SRC: variants seen among roughly 807,000 people sequenced by gnomAD.
SRC encodes the protein SRC proto-oncogene, non-receptor tyrosine kinase, also known as proto-oncogene tyrosine-protein kinase Src.
In SRC, 13 loss-of-function variants were observed where a neutral mutation model predicts 62.9. The observed-to-expected ratio is 0.21, with a 90% CI of 0.13 to 0.33. SRC has a LOEUF of 0.33. Ranked by LOEUF, SRC falls within the 10% of genes least tolerant of loss-of-function variation. SRC has a pLI of 1.00. For synonymous variants in SRC, 302 were observed against 317.5 expected (o/e 0.95, Z 0.52); for missense variants, 457 against 737.3 (o/e 0.62, Z 4.40).
In SRC at chr20:37,396,442, T is replaced by TC. The variant is rs1415494815; in HGVS notation, c.703+134dup. 1 of 1,015,766 alleles carries TC rather than the reference T, an allele frequency of 9.8e-7. No individual in the cohort carries two copies. The highest frequency in any genetic ancestry group is 2.7e-5 in the East Asian group (1 of 37,370). The allele number at this position is 1,015,766 out of a possible 1,614,324, so 62.9% of individuals were successfully genotyped here. A position where few individuals can be genotyped will look rare whatever the true frequency, so the allele number is the denominator to read the frequency against. The stretch of plus-strand genomic sequence containing the variant: ...TCTCTCCCCACTTCCCCCTCCCCCC[T>TC]CCCTTCCTCTCTCCTCCCTTTTCCC... On this transcript the variant is annotated intron_variant, in intron 8 of 13. Transcript: ENST00000373578. The surrounding 1 kb of genome is among the most constrained non-coding windows in gnomAD (Gnocchi z 6.1).
Position 37,384,188 on chromosome 20 carries a change from G to A in SRC, c.35G>A (p.Ser12Asn). ...AACAAGAGCAAGCCCAAGGATGCCA[G>A]CCAGCGGCGCCGCAGCCTGGAGCCC... Reference protein sequence around the residue: ...GSNKSKPKDASQRRRSLEPAE... With the variant: ...GSNKSKPKDANQRRRSLEPAE... Residue 12 changes from serine (S) to asparagine (N), a missense_variant, in exon 4 of 14, where the codon AGC becomes AAC. Ser to Asn is a conservative substitution (Grantham distance 46). Coordinates refer to ENST00000373578, the MANE Select transcript of SRC (RefSeq NM_198291.3). This position sits in a 1 kb window ranked among gnomAD's most constrained non-coding sequence, Gnocchi z 6.7. 1 of 1,598,266 alleles carries A rather than the reference G, an allele frequency of 6.3e-7. No homozygotes were observed. Among genetic ancestry groups the A allele is most frequent in the Non-Finnish European group, 8.5e-7 (1 of 1,176,256 alleles).
chr20:37,397,934 G>T lies in SRC; in HGVS notation c.859+80G>T. The T allele has an allele frequency of 6.9e-7, 1 of 1,452,016 alleles. No individual in the cohort carries two copies. The highest frequency in any genetic ancestry group is 2.5e-5 in the East Asian group (1 of 39,804). 89.9% of individuals were successfully genotyped at this position (1,452,016 alleles called of 1,614,324 possible). A position where few individuals can be genotyped will look rare whatever the true frequency, so the allele number is the denominator to read the frequency against. ...AGCTCCGGGCTCCCTTGGTCCCTTT[G>T]CCTTTAGCTGCCTCTGCTGGATGAC... On this transcript the variant is annotated intron_variant, in intron 9 of 13. Transcript: ENST00000373578. The surrounding 1 kb of genome is among the most constrained non-coding windows in gnomAD (Gnocchi z 4.1).
chr20:37,351,765 A>C lies in SRC; in HGVS notation c.-247+5510A>C, dbSNP rs902217623. Among the ~76,000 whole-genome samples the C allele has an allele frequency of 6.6e-6, 1 of 152,146 alleles. No homozygotes were observed. The highest frequency in any genetic ancestry group is 1.5e-5 in the Non-Finnish European group (1 of 68,026). On this transcript the variant is annotated intron_variant, in intron 1 of 13. Coordinates refer to ENST00000373578, the MANE Select transcript of SRC (RefSeq NM_198291.3). This position sits in a 1 kb window ranked among gnomAD's most constrained non-coding sequence, Gnocchi z 4.4. ...GCAGTCAAACTCTTATTCCTGTTAC[A>C]CAGAAGAGGAGACTGAAGCTCAGAG... is the stretch of plus-strand genomic sequence containing the variant.
At position 37,384,495 on chromosome 20, in the gene SRC, A is replaced by T; in HGVS notation, c.250+92A>T. 1.7e-6 allele frequency: 2 copies of T among 1,165,126 alleles called. No individual in the cohort carries two copies. The highest frequency in any genetic ancestry group is 2.1e-6 in the Non-Finnish European group (2 of 944,372). 72.2% of individuals were successfully genotyped at this position (1,165,126 alleles called of 1,614,324 possible). A position where few individuals can be genotyped will look rare whatever the true frequency, so the allele number is the denominator to read the frequency against. On this transcript the variant is annotated intron_variant, in intron 4 of 13. Coordinates refer to ENST00000373578, the MANE Select transcript of SRC (RefSeq NM_198291.3). This position sits in a 1 kb window ranked among gnomAD's most constrained non-coding sequence, Gnocchi z 6.7. ...GTGCCCGGGGTCGCCCCCTCTGCGC[A>T]GGCCCTTCCTCTCGCCAGGGGTAGC...
rs981423306 is a variant in SRC at position 37,402,548 on chromosome 20, G to T, written c.1230G>T (p.Leu410=). 6.2e-7 allele frequency: 1 copy of T among 1,613,792 alleles called. No individual in the cohort carries two copies. The highest frequency in any genetic ancestry group is 1.3e-5 in the African/African-American group (1 of 74,884). Residue 410 remains leucine (L), a synonymous_variant, in exon 12 of 14, where the codon CTG becomes CTT. Coordinates refer to ENST00000373578, the MANE Select transcript of SRC (RefSeq NM_198291.3). The surrounding 1 kb of genome is among the most constrained non-coding windows in gnomAD (Gnocchi z 6.2). ...NLVCKVADFG[L]ARLIEDNEYT... ...TGTGCAAAGTGGCGGACTTTGGGCT[G>T]GCTCGGCTCATTGAAGACAATGAGT...
intron 1 of SRC, among the ~76,000 whole-genome samples, chr20:37,356,366 G>A (rs1212519500): frequency 1.3e-5 from 2 of 152,230 alleles, no homozygotes; most frequent in African/African-American, 4.8e-5. Context: ...TACTGGATGA[G>A]AGTAATGTAT....
intron 3 of SRC, among the ~76,000 whole-genome samples, chr20:37,383,449 C>T (rs2070394170): frequency 6.6e-6 from 1 of 152,184 alleles, no homozygotes. Flanking sequence ...ATTCATTCAA[C>T]AAACCCTCAA....
intron 5 of SRC, chr20:37,386,615 C>T: frequency 1.5e-6 from 1 of 660,084 alleles, no homozygotes; most frequent in Non-Finnish European, 2.7e-6. Context: ...CTTCTCCCCT[C>T]CCCCCTCCAC....
chr20:37,377,913 G>A (rs1288985309), intron 2 of SRC, among the ~76,000 whole-genome samples: 2 of 151,750 alleles, frequency 1.3e-5, no homozygotes, highest in East Asian at 1.9e-4. Context: ...CATAGTAGGT[G>A]TATATATTTA....
chr20:37,390,484 A>G (rs1251957703), intron 5 of SRC, among the ~76,000 whole-genome samples: 1 of 134,190 alleles, frequency 7.5e-6, no homozygotes. Context: ...TGCAATCTCT[A>G]CCTTCTGGGT....
intron 1 of SRC, among the ~76,000 whole-genome samples, chr20:37,363,669 C>T (rs2070013877): frequency 6.6e-6 from 1 of 152,158 alleles, no homozygotes; most frequent in African/African-American, 2.4e-5. Context: ...TCTGCACCCC[C>T]ATCAGCACAC....
intron 2 of SRC, among the ~76,000 whole-genome samples, chr20:37,366,125 C>T (rs929078121): frequency 6.6e-6 from 1 of 152,116 alleles, no homozygotes; most frequent in East Asian, 1.9e-4. Context: ...AATGAATATC[C>T]TCAATCATAT....
chr20:37,387,593 C>G (rs886420835), intron 5 of SRC, among the ~76,000 whole-genome samples: 19 of 152,242 alleles, frequency 1.2e-4, no homozygotes, highest in African/African-American at 4.1e-4. Context: ...CGCCTCCCCC[C>G]TTGCATGGCC....
chr20:37,380,207 G>C (rs2070346166), intron 2 of SRC, among the ~76,000 whole-genome samples: 1 of 152,072 alleles, frequency 6.6e-6, no homozygotes, highest in Non-Finnish European at 1.5e-5. Context: ...CTCTGGGAGT[G>C]GGGTGGGCTG....
intron 5 of SRC, among the ~76,000 whole-genome samples, chr20:37,387,843 G>C (rs774134445): frequency 6.6e-6 from 1 of 152,148 alleles, no homozygotes; most frequent in Non-Finnish European, 1.5e-5. Context: ...CCTGTGCTGA[G>C]TGCTTGAAGT....
At chr20:37,361,082 G>T (rs1202180845) in intron 1 of SRC, among the ~76,000 whole-genome samples, 1 of 152,064 alleles carries the variant, frequency 6.6e-6, no homozygotes, top group African/African-American at 2.4e-5. Flanking sequence ...AGGCCGAAAG[G>T]GTACACTGTA....
intron 1 of SRC, among the ~76,000 whole-genome samples, chr20:37,357,828 T>A (rs2069905828): frequency 6.6e-6 from 1 of 151,152 alleles, no homozygotes; most frequent in Non-Finnish European, 1.5e-5. Context: ...GGCAAGGGAG[T>A]GAGGGTGTAG....
chr20:37,358,815 A>C (rs1176427552), intron 1 of SRC, among the ~76,000 whole-genome samples: 1 of 152,006 alleles, frequency 6.6e-6, no homozygotes, highest in African/African-American at 2.4e-5. Context: ...GCACCCCTCC[A>C]TGTCTGCCGG....
At chr20:37,388,478 G>A (rs2147069934) in intron 5 of SRC, among the ~76,000 whole-genome samples, 2 of 152,362 alleles carry the variant, frequency 1.3e-5, no homozygotes, top group South Asian at 2.1e-4. Context: ...GAGCGCGGTG[G>A]CTCACGCCTG....
Sources: allele counts gnomAD v4.1 joint callset (sites outside exome capture counted in the v4.1 genomes callset), GRCh38; gene constraint gnomAD v4.1.1; non-coding constraint Gnocchi (gnomAD v3.1); transcripts MANE v1.5; gene names NCBI Gene and HGNC (gene_info 2026-07-23, HGNC 2026-07-21).